Variants in PDE7A observed in about 807,000 individuals in gnomAD.
PDE7A encodes high affinity 3',5'-cyclic-AMP phosphodiesterase 7A.
A neutral mutation model predicts 64.3 loss-of-function variants in PDE7A; 39 were observed. The observed-to-expected ratio is 0.61, with a 90% CI of 0.47 to 0.79. The LOEUF (loss-of-function observed/expected upper bound fraction) is 0.79, where lower values mean the gene tolerates loss of function less well. Ranked by LOEUF, PDE7A falls within the 30% of genes least tolerant of loss-of-function variation. PDE7A has a pLI of 0.00. For synonymous variants in PDE7A, 203 were observed against 206.8 expected (o/e 0.98, Z 0.16); for missense variants, 470 against 582.8 (o/e 0.81, Z 1.99).
At chr8:65,757,234 A>T (rs1808276067) in intron 3 of PDE7A, among the ~76,000 whole-genome samples, 1 of 152,186 alleles carries the variant, frequency 6.6e-6, no homozygotes, top group Non-Finnish European at 1.5e-5. Context: ...AGGTCAGAGA[A>T]ATTGTTTTTC....
chr8:65,822,157 C>T (rs1435200990), intron 1 of PDE7A, among the ~76,000 whole-genome samples: 1 of 152,158 alleles, frequency 6.6e-6, no homozygotes, highest in African/African-American at 2.4e-5. Flanking sequence ...AAAGAAGTCC[C>T]CAGGAGAAAT....
intron 1 of PDE7A, among the ~76,000 whole-genome samples, chr8:65,783,365 C>T (rs1239764726): frequency 2.6e-5 from 4 of 152,182 alleles, no homozygotes; most frequent in Non-Finnish European, 4.4e-5. Context: ...TGTGACCTGC[C>T]TGCCCTCTTG....
At chr8:65,773,577 T>G (rs1809173029) in intron 3 of PDE7A, among the ~76,000 whole-genome samples, 1 of 152,222 alleles carries the variant, frequency 6.6e-6, no homozygotes, top group South Asian at 2.1e-4. Context: ...ACCATTTTTT[T>G]GTCATTAAGT....
chr8:65,840,397 T>TGC (rs1563527527), intron 1 of PDE7A, among the ~76,000 whole-genome samples: 18 of 118,844 alleles, frequency 1.5e-4, no homozygotes, highest in African/African-American at 7.0e-4. Context: ...CCACACTACC[T>TGC]GCACACACAC....
chr8:65,782,664 T>C lies in PDE7A; in HGVS notation c.199+119A>G, dbSNP rs1809448903. On this transcript the variant is annotated intron_variant, in intron 2 of 12. Transcript: ENST00000401827. The stretch of plus-strand genomic sequence containing the variant: ...GTTTCCAGACTCTAAACTCCATGAA[T>C]AGGTTATTTCTACTACAAACAGTGA... 3 of 613,282 alleles carry C rather than the reference T, an allele frequency of 4.9e-6. No individual in the cohort carries two copies. The East Asian group carries it at 8.7e-5, about 18-fold the overall frequency. 38.0% of individuals were successfully genotyped at this position (613,282 alleles called of 1,614,324 possible).
chr8:65,817,964 A>C (rs1294734693), intron 1 of PDE7A, among the ~76,000 whole-genome samples: 1 of 151,874 alleles, frequency 6.6e-6, no homozygotes, highest in Admixed American at 6.6e-5. Flanking sequence ...GTGTTAGCCA[A>C]GATGGTCTCA....
Position 65,719,165 on chromosome 8 carries a change from T to TA in PDE7A, c.*124dup. ...CAACAGAGGAAATCTTGGAAATAAA[T>TA]AATGCTGGCTGGCATCACTCACTTG... On this transcript the variant is annotated 3_prime_UTR_variant, in exon 13 of 13. Transcript: ENST00000401827. 6.1e-6 allele frequency: 4 copies of TA among 657,606 alleles called. No individual in the cohort carries two copies. Among genetic ancestry groups the TA allele is most frequent in the Non-Finnish European group, 5.4e-6 (2 of 367,204 alleles). 40.7% of individuals were successfully genotyped at this position (657,606 alleles called of 1,614,324 possible). A position where few individuals can be genotyped will look rare whatever the true frequency, so the allele number is the denominator to read the frequency against.
chr8:65,750,506 G>GTGTGTGTGTGTC (rs1807893565), intron 3 of PDE7A, among the ~76,000 whole-genome samples: 1 of 151,292 alleles, frequency 6.6e-6, no homozygotes, highest in Non-Finnish European at 1.5e-5. Flanking sequence ...GTGTGTGTCT[G>GTGTGTGTGTGTC]TGTGTGTCTG....
intron 3 of PDE7A, among the ~76,000 whole-genome samples, chr8:65,776,016 C>G (rs994552144): frequency 1.3e-5 from 2 of 152,052 alleles, no homozygotes; most frequent in African/African-American, 4.8e-5. Flanking sequence ...CTCTTAAATT[C>G]ACTTTAATTT....
intron 1 of PDE7A, among the ~76,000 whole-genome samples, chr8:65,795,574 G>A (rs551875079): frequency 3.3e-5 from 5 of 152,202 alleles, no homozygotes; most frequent in African/African-American, 1.2e-4. Context: ...CCACAGAGAA[G>A]AGACCTCAGG....
chr8:65,724,766 C>G lies in PDE7A; in HGVS notation c.1065+11G>C. The G allele has an allele frequency of 6.3e-7, 1 of 1,593,954 alleles. No homozygotes were observed. Among genetic ancestry groups the G allele is most frequent in the Non-Finnish European group, 8.5e-7 (1 of 1,170,220 alleles). On this transcript the variant is annotated intron_variant, in intron 10 of 12. Transcript: ENST00000401827. ...ATCCTAGAAATAGAATGTTTCCAAG[C>G]CCCATTTTACCTGTAAAACCAAATG...
rs976564413 is a variant in PDE7A at position 65,716,936 on chromosome 8, T to C, written c.*2354A>G. Reference sequence around the variant, plus strand: ...CAATATGGTAGCCACTAGCCACATGTGGATATTGGGTGCCTGAGATATGAC... The same window carrying C: ...CAATATGGTAGCCACTAGCCACATGCGGATATTGGGTGCCTGAGATATGAC... On this transcript the variant is annotated 3_prime_UTR_variant, in exon 13 of 13. Transcript: ENST00000401827. Among the ~76,000 whole-genome samples the C allele has an allele frequency of 1.1e-4, 17 of 152,186 alleles. No homozygotes were observed. The highest frequency in any genetic ancestry group is 2.2e-4 in the Non-Finnish European group (15 of 68,032).
intron 2 of PDE7A, among the ~76,000 whole-genome samples, chr8:65,780,077 T>TTCAA (rs1809372108): frequency 6.6e-6 from 1 of 152,022 alleles, no homozygotes; most frequent in African/African-American, 2.4e-5. Context: ...TGAAAGAGGA[T>TTCAA]TCAAGTGTAT....
chr8:65,796,187 T>C (rs1310023066), intron 1 of PDE7A, among the ~76,000 whole-genome samples: 1 of 149,898 alleles, frequency 6.7e-6, no homozygotes, highest in African/African-American at 2.4e-5. Context: ...CATCAAGCAG[T>C]GGAGTAATTA....
In PDE7A at chr8:65,787,789, A is replaced by G. The variant is rs532164657; in HGVS notation, c.139-4946T>C. ...AAGACCTCATCTCTACAGGGGGGGG[A>G]AAAAAAAAAAGTAAAGTCTCTGAAA... On this transcript the variant is annotated intron_variant, in intron 1 of 12. Transcript: ENST00000401827. Among the ~76,000 whole-genome samples the G allele has an allele frequency of 3.1e-3, 411 of 132,824 alleles. 2 individuals are homozygous for G. The highest frequency in any genetic ancestry group is 5.3e-3 in the South Asian group (23 of 4,368). The allele number at this position is 132,824 out of a possible 152,430, so 87.1% of individuals were successfully genotyped here.
chr8:65,771,796 A>C (rs1585904641), intron 3 of PDE7A, among the ~76,000 whole-genome samples: 1 of 148,658 alleles, frequency 6.7e-6, no homozygotes, highest in Non-Finnish European at 1.5e-5. Flanking sequence ...AATCGCTTGA[A>C]CCTGGAAGGT....
chr8:65,817,350 C>T (rs1456465515), intron 1 of PDE7A, among the ~76,000 whole-genome samples: 1 of 152,134 alleles, frequency 6.6e-6, no homozygotes, highest in Non-Finnish European at 1.5e-5. Context: ...ATATATAACA[C>T]ATTTACATTA....
Position 65,739,544 on chromosome 8 carries a change from CAATT to C in PDE7A, c.549_552del (p.Ile184SerfsTer5), listed in dbSNP as rs1807311545. ...TTCATCATATCTAAATGGAAGTACT[CAATT>C]AATCCATGAAGACTAAATAAATGAA... On this transcript the variant is annotated frameshift_variant, in exon 6 of 13. Coordinates refer to ENST00000401827, the MANE Select transcript of PDE7A (RefSeq NM_001242318.3). LOFTEE classifies it high-confidence loss of function. The C allele has an allele frequency of 1.3e-6, 2 of 1,567,592 alleles. No individual in the cohort carries two copies. The highest frequency in any genetic ancestry group is 2.0e-5 in the Admixed American group (1 of 50,232).
intron 1 of PDE7A, among the ~76,000 whole-genome samples, chr8:65,833,169 A>G (rs2128934780): frequency 6.6e-6 from 1 of 152,340 alleles, no homozygotes; most frequent in Middle Eastern, 3.4e-3. Context: ...CCTGGAAGAC[A>G]GCAATGCTCT....
Sources: gnomAD v4.1 joint callset for allele counts (sites outside exome capture counted in the v4.1 genomes callset) on GRCh38, gnomAD v4.1.1 for gene constraint, MANE v1.5 for transcripts, NCBI Gene and HGNC (gene_info 2026-07-23, HGNC 2026-07-21) for gene names.